The following UBAC2 variants were observed in gnomAD, a reference collection of about 807,000 sequenced individuals.
UBAC2 encodes UBA domain containing 2, also known as ubiquitin-associated domain-containing protein 2.
UBAC2 carries 26 observed loss-of-function variants against 44.0 expected under a neutral mutation model. The observed-to-expected ratio is 0.59, with a 90% CI of 0.43 to 0.82. The LOEUF (loss-of-function observed/expected upper bound fraction) is 0.82. Ranked by LOEUF, UBAC2 falls within the 40% of genes least tolerant of loss-of-function variation. The pLI is 0.00. For missense variants in UBAC2, 329 were observed against 419.4 expected, an observed-to-expected ratio of 0.78 and a Z score of 1.88; for synonymous variants, 155 against 154.3, an observed-to-expected ratio of 1.00 and a Z score of -0.04.
At chr13:99,218,837 C>T (rs1425539860) in intron 1 of UBAC2, among the ~76,000 whole-genome samples, 1 of 152,180 alleles carries the variant, frequency 6.6e-6, no homozygotes, top group Non-Finnish European at 1.5e-5. Context: ...ACTCATTCCT[C>T]CTTAACGTGG....
intron 4 of UBAC2, among the ~76,000 whole-genome samples, chr13:99,280,656 C>G (rs1404561312): frequency 1.3e-5 from 2 of 152,192 alleles, no homozygotes; most frequent in Non-Finnish European, 2.9e-5. Flanking sequence ...ACAGCTCCCT[C>G]AGCATGGAGT....
intron 4 of UBAC2, among the ~76,000 whole-genome samples, chr13:99,286,152 T>C (rs1288921044): frequency 6.6e-6 from 1 of 152,250 alleles, no homozygotes; most frequent in Non-Finnish European, 1.5e-5. Flanking sequence ...TTCTGTGTAC[T>C]AAATCTGCTG....
rs767111486 is a variant in UBAC2 at position 99,385,345 on chromosome 13, G to A, written c.*10G>A. 12 of 1,606,510 alleles carry A rather than the reference G, an allele frequency of 7.5e-6. No individual in the cohort carries two copies. Among genetic ancestry groups the A allele is most frequent in the Non-Finnish European group, 1.0e-5 (12 of 1,173,406 alleles). ...CCTGCTGCAGCACTGATAGTCCCAG[G>A]CCAACACTGGGACCGGACCGGCAGC... On this transcript the variant is annotated 3_prime_UTR_variant, in exon 9 of 9. Coordinates refer to ENST00000403766, the MANE Select transcript of UBAC2 (RefSeq NM_001144072.2).
intron 4 of UBAC2, among the ~76,000 whole-genome samples, chr13:99,272,631 C>A (rs2043830324): frequency 6.6e-6 from 1 of 152,160 alleles, no homozygotes; most frequent in African/African-American, 2.4e-5. Context: ...CAGATGGCCA[C>A]CCTCTTGCTG....
At chr13:99,336,180 TA>T (rs1002384024) in intron 6 of UBAC2, among the ~76,000 whole-genome samples, 1 of 152,208 alleles carries the variant, frequency 6.6e-6, no homozygotes, top group Non-Finnish European at 1.5e-5. Flanking sequence ...CATATGCTTT[TA>T]AAACTGGGCT....
chr13:99,231,754 T>C (rs912690869), intron 1 of UBAC2, among the ~76,000 whole-genome samples: 3 of 152,168 alleles, frequency 2.0e-5, no homozygotes, highest in Non-Finnish European at 1.5e-5. Context: ...TTCCCTCTTT[T>C]GATGATCTAT....
At chr13:99,201,674 C>A in intron 1 of UBAC2, 1 of 1,246,714 alleles carries the variant, frequency 8.0e-7, no homozygotes, top group Non-Finnish European at 1.1e-6. Flanking sequence ...GGCACGGGTA[C>A]AGCAACGGAG....
intron 4 of UBAC2, among the ~76,000 whole-genome samples, chr13:99,250,786 A>T (rs937198740): frequency 4.0e-5 from 6 of 151,702 alleles, no homozygotes; most frequent in African/African-American, 1.5e-4. Context: ...TCACTCTGTC[A>T]CCCAGGCTGG....
At chr13:99,250,843 TTCA>T (rs2043449697) in intron 4 of UBAC2, among the ~76,000 whole-genome samples, 7 of 152,006 alleles carry the variant, frequency 4.6e-5, no homozygotes, top group Admixed American at 1.3e-4. Context: ...GCCTCCCAGG[TTCA>T]AGCAATTCTC....
chr13:99,202,172 C>T (rs1374428159), intron 1 of UBAC2, among the ~76,000 whole-genome samples: 1 of 152,078 alleles, frequency 6.6e-6, no homozygotes, highest in East Asian at 1.9e-4. Flanking sequence ...GTATCAGCGC[C>T]ACAGGCATAA....
At chr13:99,253,106 A>T (rs1038971327) in intron 4 of UBAC2, among the ~76,000 whole-genome samples, 1 of 150,158 alleles carries the variant, frequency 6.7e-6, no homozygotes, top group Non-Finnish European at 1.5e-5. Flanking sequence ...TAAAGATATA[A>T]TATCTATAAA....
intron 1 of UBAC2, among the ~76,000 whole-genome samples, chr13:99,235,309 A>G (rs891987202): frequency 1.3e-5 from 2 of 152,248 alleles, no homozygotes; most frequent in Non-Finnish European, 2.9e-5. Flanking sequence ...AGGGTATTCC[A>G]TGCTTATGGT....
chr13:99,346,767 G>A (rs1014775306), intron 7 of UBAC2, among the ~76,000 whole-genome samples: 8 of 152,152 alleles, frequency 5.3e-5, no homozygotes, highest in African/African-American at 1.9e-4. Flanking sequence ...CCTGTCTCTC[G>A]TGGCACCGCA....
Position 99,267,205 on chromosome 13 carries a change from C to T in UBAC2, c.389+22581C>T, listed in dbSNP as rs116429797. Among the ~76,000 whole-genome samples the T allele has an allele frequency of 4.0e-3, 609 of 152,220 alleles. 2 individuals carry two copies. Among genetic ancestry groups the T allele is most frequent in the African/African-American group, 0.014 (564 of 41,532 alleles). ...GAGAATTGCCTATTCAAGTTCTTTG[C>T]CCATTTGTTAATCTTTCTTGGTTGT... On this transcript the variant is annotated intron_variant, in intron 4 of 8. Coordinates refer to ENST00000403766, the MANE Select transcript of UBAC2 (RefSeq NM_001144072.2).
At chr13:99,201,166 C>T (rs1202589069) in intron 1 of UBAC2, 6 of 1,362,688 alleles carry the variant, frequency 4.4e-6, no homozygotes, top group African/African-American at 1.5e-5. Context: ...CCCGCCCCGA[C>T]CCCACCTGGT....
At chr13:99,364,647 T>G (rs1179483656) in intron 7 of UBAC2, among the ~76,000 whole-genome samples, 1 of 152,150 alleles carries the variant, frequency 6.6e-6, no homozygotes, top group Non-Finnish European at 1.5e-5. Context: ...TTTTAAGTAC[T>G]GTTTCAATTA....
At chr13:99,274,309 G>A (rs2043854880) in intron 4 of UBAC2, among the ~76,000 whole-genome samples, 1 of 151,744 alleles carries the variant, frequency 6.6e-6, no homozygotes, top group Non-Finnish European at 1.5e-5. Context: ...TTTGGTGTGT[G>A]AATACCACCA....
chr13:99,225,295 CA>C (rs1194939128), intron 1 of UBAC2, among the ~76,000 whole-genome samples: 5 of 152,176 alleles, frequency 3.3e-5, no homozygotes, highest in Non-Finnish European at 7.4e-5. Context: ...AACAACTTCC[CA>C]TTTCCCCCTT....
At chr13:99,208,764 GA>G (rs545536587) in intron 1 of UBAC2, among the ~76,000 whole-genome samples, 111 of 152,346 alleles carry the variant, frequency 7.3e-4, no homozygotes, top group African/African-American at 2.5e-3. Context: ...GAGGCTCTCA[GA>G]TTGTTCTTCT....
Sources: gnomAD v4.1 joint callset for allele counts (sites outside exome capture counted in the v4.1 genomes callset) on GRCh38, gnomAD v4.1.1 for gene constraint, MANE v1.5 for transcripts, NCBI Gene and HGNC (gene_info 2026-07-23, HGNC 2026-07-21) for gene names.